The following SLC25A12 variants were observed in gnomAD, a reference collection of about 807,000 sequenced individuals.
SLC25A12 encodes electrogenic aspartate/glutamate antiporter SLC25A12, mitochondrial.
A neutral mutation model predicts 83.3 loss-of-function variants in SLC25A12; 32 were observed. The observed-to-expected ratio is 0.38, with a 90% CI of 0.29 to 0.52. SLC25A12 has a LOEUF of 0.52. SLC25A12 is among the 20% of genes least tolerant of loss of function. SLC25A12 has a pLI of 0.84. For synonymous variants in SLC25A12, 267 were observed against 291.1 expected (o/e 0.92, Z 0.84); for missense variants, 611 against 835.6 (o/e 0.73, Z 3.31).
intron 2 of SLC25A12, among the ~76,000 whole-genome samples, chr2:171,883,216 GAAGGA>G (rs1373440735): frequency 6.6e-6 from 1 of 152,216 alleles, no homozygotes; most frequent in African/African-American, 2.4e-5. Context: ...ACTTAGAAGA[GAAGGA>G]AAGAGACAAG....
chr2:171,846,677 A>G (rs1394375916), intron 4 of SLC25A12, among the ~76,000 whole-genome samples: 1 of 152,056 alleles, frequency 6.6e-6, no homozygotes, highest in East Asian at 1.9e-4. Context: ...ATGGTGGCAC[A>G]TGCCTGTAAT....
At chr2:171,891,887 A>C (rs150027134) in intron 2 of SLC25A12, among the ~76,000 whole-genome samples, 1 of 152,360 alleles carries the variant, frequency 6.6e-6, no homozygotes, top group African/African-American at 2.4e-5. Context: ...TCCCATTTTC[A>C]CAAATTATTT....
At chr2:171,826,140 C>T (rs1684295822) in intron 9 of SLC25A12, among the ~76,000 whole-genome samples, 1 of 152,044 alleles carries the variant, frequency 6.6e-6, no homozygotes. Flanking sequence ...CTATAAATAT[C>T]AGTTTAATGA....
intron 3 of SLC25A12, among the ~76,000 whole-genome samples, chr2:171,856,884 T>G (rs1418787077): frequency 6.6e-6 from 1 of 152,208 alleles, no homozygotes; most frequent in African/African-American, 2.4e-5. Context: ...AAGCATTATC[T>G]TTTAGAGATA....
chr2:171,870,416 G>A (rs908166818), intron 2 of SLC25A12, among the ~76,000 whole-genome samples: 1 of 151,938 alleles, frequency 6.6e-6, no homozygotes, highest in Non-Finnish European at 1.5e-5. Context: ...GAGCCCAGGA[G>A]TTCAAGACCA....
chr2:171,832,717 A>C (rs963415853), intron 8 of SLC25A12, among the ~76,000 whole-genome samples: 1 of 152,202 alleles, frequency 6.6e-6, no homozygotes, highest in Non-Finnish European at 1.5e-5. Context: ...ATGCTCATCC[A>C]AGGATCTTCC....
intron 2 of SLC25A12, among the ~76,000 whole-genome samples, chr2:171,887,204 G>A (rs1685839987): frequency 6.6e-6 from 1 of 152,178 alleles, no homozygotes; most frequent in African/African-American, 2.4e-5. Flanking sequence ...ACCCTAAGGA[G>A]GAATCGCCCT....
At chr2:171,789,023 CT>C (rs1316483830) in intron 15 of SLC25A12, 1 of 152,242 alleles carries the variant, frequency 6.6e-6, no homozygotes, top group Non-Finnish European at 1.5e-5. Context: ...TTGCAAACAC[CT>C]GTCCACAATT....
At chr2:171,866,614 G>GT (rs1393717060) in intron 3 of SLC25A12, among the ~76,000 whole-genome samples, 40 of 101,618 alleles carry the variant, frequency 3.9e-4, no homozygotes, top group South Asian at 2.6e-3. Flanking sequence ...CCTCCCGGAC[G>GT]GGGCGGCTGG....
chr2:171,796,644 ATTTT>A (rs879827483), intron 13 of SLC25A12, among the ~76,000 whole-genome samples: 17 of 147,306 alleles, frequency 1.2e-4, no homozygotes, highest in African/African-American at 4.0e-4. Context: ...ATCTCTTAAA[ATTTT>A]TTTTTTTTTA....
At chr2:171,865,298 C>T (rs13017585) in intron 3 of SLC25A12, among the ~76,000 whole-genome samples, 54 of 152,042 alleles carry the variant, frequency 3.6e-4, no homozygotes, top group South Asian at 8.3e-4. Context: ...CCTTGATAAT[C>T]GCAGTAAATA....
rs5836348 is a variant in SLC25A12 at position 171,786,382 on chromosome 2, T to TAA, written c.1836-909_1836-908dup. 2.4e-3 allele frequency among the ~76,000 whole-genome samples: 206 copies of TAA among 85,788 alleles called. 3 individuals are homozygous for TAA. Among genetic ancestry groups the TAA allele is most frequent in the African/African-American group, 8.7e-3 (193 of 22,166 alleles). The allele number at this position is 85,788 out of a possible 152,430, so 56.3% of individuals were successfully genotyped here. On this transcript the variant is annotated intron_variant, in intron 17 of 17. Transcript: ENST00000422440. ...CTGGGCGACAGAGCAAGACTCCGTC[T>TAA]AAAAAAAAAAAAAAAAAAAAAAGAG...
In SLC25A12 at chr2:171,787,772, C is replaced by T; in HGVS notation, c.1744+17G>A. The T allele has an allele frequency of 6.2e-7, 1 of 1,614,128 alleles. No individual in the cohort carries two copies. ...AGAGCCAGCCAGCCATTCTGTATGG[C>T]TCCAGCCCCTGCCTACCTGCAGTCC... is the stretch of plus-strand genomic sequence containing the variant. On this transcript the variant is annotated intron_variant, in intron 16 of 17. Coordinates refer to ENST00000422440, the MANE Select transcript of SLC25A12 (RefSeq NM_003705.5).
At chr2:171,868,201 A>C (rs1374289961) in intron 3 of SLC25A12, among the ~76,000 whole-genome samples, 2 of 151,724 alleles carry the variant, frequency 1.3e-5, no homozygotes, top group Non-Finnish European at 2.9e-5. Flanking sequence ...TAATATATTT[A>C]TTTTAAAAAC....
chr2:171,811,245 A>G (rs142695737), intron 11 of SLC25A12, among the ~76,000 whole-genome samples: 1 of 152,352 alleles, frequency 6.6e-6, no homozygotes, highest in African/African-American at 2.4e-5. Flanking sequence ...GTTGAGAGCC[A>G]CAAGTAATCA....
chr2:171,891,171 T>G (rs1008247324), intron 2 of SLC25A12, among the ~76,000 whole-genome samples: 1 of 152,040 alleles, frequency 6.6e-6, no homozygotes, highest in African/African-American at 2.4e-5. Flanking sequence ...CCGGGTGTGG[T>G]GGCACATGCC....
intron 5 of SLC25A12, among the ~76,000 whole-genome samples, chr2:171,842,085 T>C (rs1214627830): frequency 6.6e-6 from 1 of 152,160 alleles, no homozygotes; most frequent in African/African-American, 2.4e-5. Flanking sequence ...CATATGTTCA[T>C]AGCAGCACTA....
intron 2 of SLC25A12, among the ~76,000 whole-genome samples, chr2:171,886,275 G>C (rs547627109): frequency 7.3e-6 from 1 of 137,126 alleles, no homozygotes; most frequent in Non-Finnish European, 1.5e-5. Flanking sequence ...CTGTCACTCA[G>C]GCTGGAGTGC....
intron 13 of SLC25A12, among the ~76,000 whole-genome samples, chr2:171,803,440 C>T (rs1376185729): frequency 6.6e-6 from 1 of 151,904 alleles, no homozygotes; most frequent in Non-Finnish European, 1.5e-5. Context: ...AACTCTGTAA[C>T]CAAAAAACAA....
Sources: gnomAD v4.1 joint callset for allele counts (sites outside exome capture counted in the v4.1 genomes callset) on GRCh38, gnomAD v4.1.1 for gene constraint, MANE v1.5 for transcripts, NCBI Gene and HGNC (gene_info 2026-07-23, HGNC 2026-07-21) for gene names.